URB1: variants seen among roughly 807,000 people sequenced by gnomAD.
The protein encoded by URB1 is nucleolar pre-ribosomal-associated protein 1.
Under a neutral mutation model 242.3 loss-of-function variants are expected in URB1, and 197 were observed. The observed-to-expected ratio is 0.81, with a 90% CI of 0.72 to 0.91. The LOEUF (loss-of-function observed/expected upper bound fraction) is 0.91. URB1 is among the 40% of genes least tolerant of loss of function. The pLI is 0.00. For synonymous variants in URB1, 1,153 were observed against 1,201.8 expected (o/e 0.96, Z 0.84); for missense variants, 2,721 against 2,860.5 (o/e 0.95, Z 1.11).
Position 32,359,811 on chromosome 21 carries a change from C to G in URB1, c.1854G>C (p.Leu618=). The stretch of plus-strand genomic sequence containing the variant: ...TGCTTCCTACCTGTGCCTTTAACCA[C>G]AGAAACTTGCTGGCCGGCAGCTCCA... ...VALELPASKF[L]WLKAQEGPDA... is the part of the protein sequence containing the mutation. Residue 618 remains leucine (L), a synonymous_variant, in exon 14 of 39, where the codon CTG becomes CTC. Transcript: ENST00000382751. The G allele has an allele frequency of 6.5e-7, 1 of 1,546,754 alleles. No individual in the cohort carries two copies. Among genetic ancestry groups the G allele is most frequent in the South Asian group, 1.2e-5 (1 of 83,336 alleles).
chr21:32,324,472 C>T lies in URB1; in HGVS notation c.5233+19G>A. On this transcript the variant is annotated intron_variant, in intron 32 of 38. Coordinates refer to ENST00000382751, the MANE Select transcript of URB1 (RefSeq NM_014825.3). Reference sequence around the variant, plus strand: ...TTCAGCTTTTCAATTTCCCCTCAACCTAATTATGTCAGTGGTACCTGGTTT... The same window carrying T: ...TTCAGCTTTTCAATTTCCCCTCAACTTAATTATGTCAGTGGTACCTGGTTT... The T allele has an allele frequency of 6.5e-7, 1 of 1,540,654 alleles. No individual in the cohort carries two copies. Among genetic ancestry groups the T allele is most frequent in the African/African-American group, 1.4e-5 (1 of 72,930 alleles).
intron 37 of URB1, 83 bp downstream of exon 37, chr21:32,317,591 TGA>T: frequency 6.7e-7 from 1 of 1,496,368 alleles, no homozygotes; most frequent in South Asian, 1.3e-5. Flanking sequence ...GAAATGTGGC[TGA>T]GAGACAGAGA....
chr21:32,362,221 T>G (rs537610963), intron 11 of URB1, among the ~76,000 whole-genome samples, 200 bp from the exon 12 acceptor site: 48 of 152,018 alleles, frequency 3.2e-4, no homozygotes, highest in Non-Finnish European at 6.3e-4. Flanking sequence ...TTTTTTTTTT[T>G]TTGAGATGGA....
intron 32 of URB1, among the ~76,000 whole-genome samples, chr21:32,323,925 T>A (rs970907029): frequency 6.6e-6 from 1 of 152,146 alleles, no homozygotes; most frequent in Non-Finnish European, 1.5e-5. Context: ...ATCATGCCAC[T>A]GCACTCCAGC....
At chr21:32,323,869 T>G (rs1342504901) in intron 32 of URB1, among the ~76,000 whole-genome samples, 1 of 151,876 alleles carries the variant, frequency 6.6e-6, no homozygotes, top group Non-Finnish European at 1.5e-5. Flanking sequence ...GAGGCTGAGG[T>G]AAGAGATTAC....
intron 17 of URB1, among the ~76,000 whole-genome samples, 167 bp from the exon 18 acceptor site, chr21:32,354,270 C>T (rs927578222): frequency 5.3e-5 from 8 of 152,180 alleles, no homozygotes; most frequent in African/African-American, 1.9e-4. Flanking sequence ...AAAACATTGC[C>T]TATGAAATCT....
intron 5 of URB1, among the ~76,000 whole-genome samples, chr21:32,376,827 G>GTTTC (rs2033464555): frequency 6.6e-6 from 1 of 151,812 alleles, no homozygotes; most frequent in African/African-American, 2.4e-5. Context: ...TTGTTTGTTT[G>GTTTC]TTTGTTTGTT....
At chr21:32,351,024 G>A (rs1364542693) in intron 19 of URB1, 102 bp from the exon 20 acceptor site, 3 of 1,217,442 alleles carry the variant, frequency 2.5e-6, no homozygotes, top group Non-Finnish European at 3.4e-6. Context: ...ATTTCACAAA[G>A]AAGCACATGC....
Position 32,354,945 on chromosome 21 carries a change from T to C in URB1, c.2159A>G (p.Asp720Gly). The change falls in exon 17 of 39, where the codon GAC becomes GGC. Residue 720 changes from aspartate (D) to glycine (G), a missense_variant. By Grantham distance (94) the Asp-to-Gly change is moderately conservative. Coordinates refer to ENST00000382751, the MANE Select transcript of URB1 (RefSeq NM_014825.3). ...CAGCATGCTTGCTTCTTGGACAAAG[T>C]CAGATGCTTTGTCTGTGTATGAATA... ...NPYSYTDKAS[D>G]FVQEASMLQA... 6.4e-7 allele frequency: 1 copy of C among 1,552,294 alleles called. No individual in the cohort carries two copies. Among genetic ancestry groups the C allele is most frequent in the Non-Finnish European group, 8.7e-7 (1 of 1,147,136 alleles).
At chr21:32,330,403 A>C (rs889533324) in intron 30 of URB1, among the ~76,000 whole-genome samples, 12 of 151,980 alleles carry the variant, frequency 7.9e-5, no homozygotes, top group African/African-American at 2.4e-4. Flanking sequence ...AATTTAAGGT[A>C]AGGAAACTGG....
At chr21:32,368,740 G>T in intron 8 of URB1, 142 bp from the exon 9 acceptor site, 1 of 723,712 alleles carries the variant, frequency 1.4e-6, no homozygotes, top group South Asian at 2.1e-5. Flanking sequence ...AGGACGTAAA[G>T]TGGGGGTTCC....
At chr21:32,333,491 T>C (rs1365075840) in intron 29 of URB1, 72 bp from the exon 30 acceptor site, 11 of 1,164,146 alleles carry the variant, frequency 9.4e-6, no homozygotes, top group South Asian at 1.4e-5. Context: ...GTATCTCTTA[T>C]CTGAAACACC....
chr21:32,326,405 G>A (rs895349430), intron 30 of URB1, among the ~76,000 whole-genome samples: 1 of 152,156 alleles, frequency 6.6e-6, no homozygotes, highest in Non-Finnish European at 1.5e-5. Context: ...GTTAAAGAAA[G>A]ATAAAGCATT....
chr21:32,314,739 A>G lies in URB1; in HGVS notation c.*179T>C, dbSNP rs938005918. The G allele has an allele frequency of 2.7e-6, 4 of 1,476,278 alleles. No homozygotes were observed. The African/African-American group carries it at 4.2e-5, about 15-fold the overall frequency. 91.4% of individuals were successfully genotyped at this position (1,476,278 alleles called of 1,614,324 possible). ...GGGCACCTACAGGCCCGAGTTTATC[A>G]TTTACTGGGCAGTTCAATAAAGTCC... On this transcript the variant is annotated 3_prime_UTR_variant, in exon 39 of 39. Transcript: ENST00000382751.
chr21:32,367,757 T>A (rs1215905253), intron 9 of URB1, among the ~76,000 whole-genome samples: 1 of 152,252 alleles, frequency 6.6e-6, no homozygotes, highest in East Asian at 1.9e-4. Context: ...CATTTCATTT[T>A]ATTTTACTTT....
In URB1 at chr21:32,337,391, C is replaced by T. The variant is rs1207460695; in HGVS notation, c.4621+13G>A. The T allele has an allele frequency of 6.5e-7, 1 of 1,549,702 alleles. No homozygotes were observed. The highest frequency in any genetic ancestry group is 1.4e-5 in the African/African-American group (1 of 73,128). On this transcript the variant is annotated intron_variant, in intron 27 of 38. Coordinates refer to ENST00000382751, the MANE Select transcript of URB1 (RefSeq NM_014825.3). Reference sequence around the variant, plus strand: ...CTCCCCCTGCTCACACTACCCAGCCCTCACACCCTCACCTAGGACGCTGAG... The same window carrying T: ...CTCCCCCTGCTCACACTACCCAGCCTTCACACCCTCACCTAGGACGCTGAG...
At chr21:32,324,463 C>T in intron 32 of URB1, 28 bp downstream of exon 32, 1 of 1,524,980 alleles carries the variant, frequency 6.6e-7, no homozygotes, top group Non-Finnish European at 8.9e-7. Context: ...TTTTCAATTT[C>T]CCCTCAACCT....
In URB1 at chr21:32,314,506, CTCT is replaced by C. The variant is rs753137215; in HGVS notation, c.*409_*411del. 9.0e-6 allele frequency: 14 copies of C among 1,560,230 alleles called. No homozygotes were observed. The highest frequency in any genetic ancestry group is 2.7e-5 in the African/African-American group (2 of 73,836). ...GCTGAAAAATAAACTTTAAACATCTCTCTTCGTTTTCATAAAAAAAATCTGATA... is the reference window on the plus strand; with the variant it reads ...GCTGAAAAATAAACTTTAAACATCTCTCGTTTTCATAAAAAAAATCTGATA... On this transcript the variant is annotated 3_prime_UTR_variant, in exon 39 of 39. Coordinates refer to ENST00000382751, the MANE Select transcript of URB1 (RefSeq NM_014825.3).
chr21:32,313,853 A>G lies in URB1; in HGVS notation c.*1065T>C, dbSNP rs371549007. 5.3e-5 allele frequency: 8 copies of G among 152,364 alleles called. No homozygotes were observed. Among genetic ancestry groups the G allele is most frequent in the African/African-American group, 1.9e-4 (8 of 41,578 alleles). The allele number at this position is 152,364 out of a possible 1,614,324, so 9.4% of individuals were successfully genotyped here. On this transcript the variant is annotated 3_prime_UTR_variant, in exon 39 of 39. Coordinates refer to ENST00000382751, the MANE Select transcript of URB1 (RefSeq NM_014825.3). Reference sequence around the variant, plus strand: ...TTTGTCAGCTACAACCCCAACTAATATATGACCATTAAGAGTAAAATTCTG... The same window carrying G: ...TTTGTCAGCTACAACCCCAACTAATGTATGACCATTAAGAGTAAAATTCTG...
Sources: gnomAD v4.1 joint callset for allele counts (sites outside exome capture counted in the v4.1 genomes callset) on GRCh38, gnomAD v4.1.1 for gene constraint, MANE v1.5 for transcripts, NCBI Gene and HGNC (gene_info 2026-07-23, HGNC 2026-07-21) for gene names.